SRBD1: variants seen among roughly 807,000 people sequenced by gnomAD.
SRBD1 encodes the protein S1 RNA-binding domain-containing protein 1.
Under a neutral mutation model 115.3 loss-of-function variants are expected in SRBD1, and 88 were observed. The ratio of observed to expected loss-of-function variants is 0.76; its 90% CI spans 0.64 to 0.91. The LOEUF (loss-of-function observed/expected upper bound fraction) is 0.91, where lower values mean the gene tolerates loss of function less well. Ranked by LOEUF, SRBD1 falls within the 40% of genes least tolerant of loss-of-function variation. The pLI, the probability that SRBD1 is intolerant of heterozygous loss-of-function variation, is 0.00. For synonymous variants in SRBD1, 509 were observed against 407.7 expected, an observed-to-expected ratio of 1.25 and a Z score of -2.99; for missense variants, 1,385 against 1,177.4, an observed-to-expected ratio of 1.18 and a Z score of -2.58.
At chr2:45,497,741 T>TG (rs565068662) in intron 14 of SRBD1, among the ~76,000 whole-genome samples, 42 of 152,110 alleles carry the variant, frequency 2.8e-4, no homozygotes, top group African/African-American at 9.9e-4. Flanking sequence ...AATTTTTTTT[T>TG]TTAAGAAACT....
intron 14 of SRBD1, among the ~76,000 whole-genome samples, chr2:45,527,023 T>G (rs1266218701): frequency 2.0e-5 from 3 of 151,930 alleles, no homozygotes; most frequent in Non-Finnish European, 4.4e-5. Flanking sequence ...TTAAGTTGTT[T>G]CCATAGTTTT....
chr2:45,526,847 C>A (rs1208472453), intron 14 of SRBD1, among the ~76,000 whole-genome samples: 2 of 151,504 alleles, frequency 1.3e-5, no homozygotes, highest in Non-Finnish European at 3.0e-5. Context: ...AGGAAACATG[C>A]AAAATAGCAA....
chr2:45,492,416 G>C (rs929973117), intron 14 of SRBD1, among the ~76,000 whole-genome samples: 2 of 152,038 alleles, frequency 1.3e-5, no homozygotes, highest in Non-Finnish European at 2.9e-5. Context: ...ATTTTCATGA[G>C]AAAGAAAAAC....
In SRBD1 at chr2:45,599,068, T is replaced by C. The variant is rs551434906; in HGVS notation, c.648+381A>G. The stretch of plus-strand genomic sequence containing the variant: ...TTACAACATTATACTAAGGGTTAAA[T>C]AGATGTATGAACAGCCAGTGACCTA... On this transcript the variant is annotated intron_variant, in intron 4 of 20. Coordinates refer to ENST00000263736, the MANE Select transcript of SRBD1 (RefSeq NM_018079.5). 6.7e-4 allele frequency among the ~76,000 whole-genome samples: 102 copies of C among 152,308 alleles called. 1 individual carries two copies. Among genetic ancestry groups the C allele is most frequent in the African/African-American group, 1.7e-3 (70 of 41,558 alleles).
intron 10 of SRBD1, among the ~76,000 whole-genome samples, chr2:45,561,002 G>C (rs1220651284): frequency 2.6e-5 from 4 of 151,998 alleles, no homozygotes; most frequent in African/African-American, 9.7e-5. Flanking sequence ...AGCTACACAG[G>C]AGACTAAAGT....
intron 9 of SRBD1, among the ~76,000 whole-genome samples, chr2:45,572,358 G>C (rs973558675): frequency 6.6e-6 from 1 of 152,130 alleles, no homozygotes; most frequent in Non-Finnish European, 1.5e-5. Flanking sequence ...AATTGCTGGA[G>C]ATTGGTGGCA....
intron 14 of SRBD1, among the ~76,000 whole-genome samples, chr2:45,505,191 T>C (rs1342882812): frequency 6.6e-6 from 1 of 152,184 alleles, no homozygotes; most frequent in Non-Finnish European, 1.5e-5. Flanking sequence ...TCTGTCTTCA[T>C]CTTGTCTGAA....
At chr2:45,410,427 G>A (rs553201850) in intron 19 of SRBD1, among the ~76,000 whole-genome samples, 4 of 152,286 alleles carry the variant, frequency 2.6e-5, no homozygotes, top group African/African-American at 7.2e-5. Flanking sequence ...AAAAAACTGC[G>A]CAAGAATATT....
intron 14 of SRBD1, among the ~76,000 whole-genome samples, chr2:45,493,595 G>T (rs1021076416): frequency 3.3e-5 from 5 of 152,018 alleles, no homozygotes; most frequent in African/African-American, 1.2e-4. Flanking sequence ...TGGATCACCT[G>T]AGGTCAGGAG....
intron 4 of SRBD1, among the ~76,000 whole-genome samples, chr2:45,593,470 G>T (rs906380325): frequency 6.6e-6 from 1 of 152,112 alleles, no homozygotes; most frequent in African/African-American, 2.4e-5. Context: ...GAGATCTGAT[G>T]GCTTAAAATG....
At chr2:45,479,353 A>G (rs763349753) in intron 15 of SRBD1, among the ~76,000 whole-genome samples, 4 of 152,252 alleles carry the variant, frequency 2.6e-5, no homozygotes, top group Admixed American at 2.0e-4. Flanking sequence ...GCTGAAAGGT[A>G]GGCCTCTTGG....
chr2:45,584,998 A>C (rs2104195970), intron 5 of SRBD1, among the ~76,000 whole-genome samples: 1 of 152,176 alleles, frequency 6.6e-6, no homozygotes, highest in African/African-American at 2.4e-5. Flanking sequence ...TAAAAATACA[A>C]AATTAGTGGG....
intron 16 of SRBD1, among the ~76,000 whole-genome samples, chr2:45,439,643 A>C (rs540268911): frequency 9.9e-4 from 151 of 152,190 alleles, no homozygotes; most frequent in African/African-American, 3.4e-3. Context: ...TGGGACAAAC[A>C]AAGCAAACAG....
At chr2:45,509,298 T>G (rs1044357084) in intron 14 of SRBD1, among the ~76,000 whole-genome samples, 1 of 152,072 alleles carries the variant, frequency 6.6e-6, no homozygotes, top group African/African-American at 2.4e-5. Flanking sequence ...TTTTACGTAT[T>G]AGAAACACAC....
rs1667651951 is a variant in SRBD1 at position 45,413,121 on chromosome 2, C to T, written c.2506G>A (p.Ala836Thr). 2.5e-6 allele frequency: 4 copies of T among 1,613,444 alleles called. No individual in the cohort carries two copies. The South Asian group carries it at 3.3e-5, about 13-fold the overall frequency. The part of the protein sequence containing the change: ...TCIHPESYDI[A>T]MRFLSSIGGT... ...CATGGGCCTCAGACTTACCTCATTGCTATGTCATATGATTCTGGATGAATA... is the reference window on the plus strand; with the variant it reads ...CATGGGCCTCAGACTTACCTCATTGTTATGTCATATGATTCTGGATGAATA... Residue 836 changes from alanine (A) to threonine (T), a missense_variant, in exon 19 of 21, where the codon GCA (alanine) becomes ACA (threonine). Physicochemically the swap from Ala to Thr is moderately conservative, Grantham distance 58. Transcript: ENST00000263736.
At chr2:45,505,255 C>T (rs766075135) in intron 14 of SRBD1, among the ~76,000 whole-genome samples, 5 of 152,152 alleles carry the variant, frequency 3.3e-5, no homozygotes, top group Non-Finnish European at 5.9e-5. Context: ...GTCAGAATGT[C>T]TTAGCCTCAC....
chr2:45,475,804 T>C lies in SRBD1; in HGVS notation c.2049+1189A>G, dbSNP rs192288451. Among the ~76,000 whole-genome samples, 98 of 152,332 alleles carry C rather than the reference T, an allele frequency of 6.4e-4. 1 individual carries two copies. The East Asian group carries it at 7.9e-3, about 12-fold the overall frequency. ...ACCTCTGCCTCCTGGGTTCAAGCGA[T>C]TGTCCTGCCTCAGCCTTCCACGTAG... is the stretch of plus-strand genomic sequence containing the variant. On this transcript the variant is annotated intron_variant, in intron 16 of 20. Coordinates refer to ENST00000263736, the MANE Select transcript of SRBD1 (RefSeq NM_018079.5).
chr2:45,608,404 A>T (rs1674339422), intron 1 of SRBD1, among the ~76,000 whole-genome samples: 1 of 152,214 alleles, frequency 6.6e-6, no homozygotes. Flanking sequence ...CTTGGAAATT[A>T]TGTCTTTAAA....
intron 14 of SRBD1, among the ~76,000 whole-genome samples, chr2:45,517,214 C>A (rs1362234864): frequency 6.6e-6 from 1 of 152,180 alleles, no homozygotes; most frequent in Non-Finnish European, 1.5e-5. Context: ...GCCATGTTCT[C>A]TTCCTATTGT....
Sources: gnomAD v4.1 joint callset for allele counts (sites outside exome capture counted in the v4.1 genomes callset) on GRCh38, gnomAD v4.1.1 for gene constraint, MANE v1.5 for transcripts, NCBI Gene and HGNC (gene_info 2026-07-23, HGNC 2026-07-21) for gene names.